CELF2: variants seen among roughly 807,000 people sequenced by gnomAD.
CELF2 encodes the protein CUG triplet repeat RNA-binding protein 2.
A neutral mutation model predicts 62.6 loss-of-function variants in CELF2; 8 were observed. The ratio of observed to expected loss-of-function variants is 0.13; its 90% CI spans 0.07 to 0.23. The LOEUF is 0.23. CELF2 is among the 10% of genes least tolerant of loss of function. The pLI, the probability that CELF2 is intolerant of heterozygous loss-of-function variation, is 1.00. For missense variants in CELF2, 333 were observed against 671.0 expected, an observed-to-expected ratio of 0.50 and a Z score of 5.56; for synonymous variants, 258 against 250.0, an observed-to-expected ratio of 1.03 and a Z score of -0.30.
chr10:10,934,361 A>G lies in CELF2; in HGVS notation c.89+14362A>G, dbSNP rs1482616355. On this transcript the variant is annotated intron_variant, in intron 2 of 13. Transcript: ENST00000636488. The surrounding 1 kb of genome is among the most constrained non-coding windows in gnomAD (Gnocchi z 4.4). ...CACCTTTCTATCCTCAACACCTAGC[A>G]TAGTGCCTCCAGCACACAACAGATG... Among the ~76,000 whole-genome samples, 1 of 152,214 alleles carries G rather than the reference A, an allele frequency of 6.6e-6. No individual in the cohort carries two copies. Among genetic ancestry groups the G allele is most frequent in the Non-Finnish European group, 1.5e-5 (1 of 68,034 alleles).
chr10:11,074,400 A>C (rs1344926147), intron 1 of CELF2, among the ~76,000 whole-genome samples: 2 of 152,208 alleles, frequency 1.3e-5, no homozygotes, highest in African/African-American at 4.8e-5. Flanking sequence ...GTCTATTCTT[A>C]GAAAATATGT....
the CELF2 span, among the ~76,000 whole-genome samples, chr10:10,604,283 C>T: frequency 3.3e-5 from 5 of 152,310 alleles, no homozygotes; most frequent in East Asian, 1.9e-4. Flanking sequence ...CGATAGATTT[C>T]GCATTGTTGC....
intron 2 of CELF2, among the ~76,000 whole-genome samples, chr10:11,167,177 G>A (rs2067472954): frequency 6.6e-6 from 1 of 152,188 alleles, no homozygotes; most frequent in African/African-American, 2.4e-5. Context: ...TCTGATACTG[G>A]TTACCTACAT....
intron 2 of CELF2, among the ~76,000 whole-genome samples, chr10:11,174,285 A>G (rs998613217): frequency 2.6e-5 from 4 of 152,178 alleles, no homozygotes; most frequent in Admixed American, 6.5e-5. Context: ...CAAGCAGAGA[A>G]GAAAGTTTTG....
chr10:11,209,039 T>A (rs766342894), intron 2 of CELF2, among the ~76,000 whole-genome samples: 15 of 152,238 alleles, frequency 9.9e-5, no homozygotes, highest in Non-Finnish European at 1.9e-4. Flanking sequence ...AACACAGATA[T>A]GTCTGATCTT....
intron 1 of CELF2, among the ~76,000 whole-genome samples, chr10:10,837,237 T>C (rs2058359066): frequency 6.6e-6 from 1 of 152,218 alleles, no homozygotes; most frequent in Non-Finnish European, 1.5e-5. Context: ...TGGAGGATTG[T>C]AGTGAATAAG....
chr10:10,833,537 C>A (rs149519164), intron 1 of CELF2, among the ~76,000 whole-genome samples: 3 of 152,178 alleles, frequency 2.0e-5, no homozygotes, highest in Non-Finnish European at 2.9e-5. Flanking sequence ...TTTATTCCCA[C>A]ACTATGCCTT....
the CELF2 span, among the ~76,000 whole-genome samples, chr10:10,497,190 CTAAAAAAAAAAAAAAGA>C: frequency 7.9e-6 from 1 of 127,344 alleles, no homozygotes; most frequent in East Asian, 2.4e-4. Flanking sequence ...AAGACTCCAT[CTAAAAAAAAAAAAAAGA>C]TAAAAAGAAA....
At chr10:11,088,575 AATG>A (rs1240089829) in intron 1 of CELF2, among the ~76,000 whole-genome samples, 3 of 67,388 alleles carry the variant, frequency 4.5e-5, no homozygotes, top group East Asian at 2.3e-4. Context: ...GGATTTCTCA[AATG>A]ATGATGCTTC....
intron 1 of CELF2, among the ~76,000 whole-genome samples, chr10:10,872,212 C>G (rs2060793718): frequency 6.6e-6 from 1 of 152,116 alleles, no homozygotes; most frequent in South Asian, 2.1e-4. Flanking sequence ...GTTTTCAAGT[C>G]TGGGTTGCTA....
At position 11,297,983 on chromosome 10, in the gene CELF2, A is replaced by T. The variant is rs2093360274; in HGVS notation, c.976+9431A>T. Among the ~76,000 whole-genome samples the T allele has an allele frequency of 6.6e-6, 1 of 152,240 alleles. No homozygotes were observed. The highest frequency in any genetic ancestry group is 1.5e-5 in the Non-Finnish European group (1 of 68,048). On this transcript the variant is annotated intron_variant, in intron 9 of 12. Coordinates refer to ENST00000633077, the MANE Select transcript of CELF2 (RefSeq NM_001326342.2). The surrounding 1 kb of genome is among the most constrained non-coding windows in gnomAD (Gnocchi z 4.4). Reference sequence around the variant, plus strand: ...GGTGACAAGAGCAAGGCTCTATCTTAAAAAACAAAAGAACATGAAAAATCT... The same window carrying T: ...GGTGACAAGAGCAAGGCTCTATCTTTAAAAACAAAAGAACATGAAAAATCT...
chr10:11,245,844 C>T (rs541125807), intron 3 of CELF2, among the ~76,000 whole-genome samples: 3 of 152,302 alleles, frequency 2.0e-5, no homozygotes, highest in East Asian at 1.9e-4. Flanking sequence ...CGTTCTTAAC[C>T]GAAGGCTCAT....
In CELF2 at chr10:11,165,129, G is replaced by C. The variant is rs1196868430; in HGVS notation, c.75-357G>C. 9.5e-7 allele frequency: 1 copy of C among 1,049,064 alleles called. No individual in the cohort carries two copies. Among genetic ancestry groups the C allele is most frequent in the East Asian group, 8.5e-5 (1 of 11,712 alleles). 65.0% of individuals were successfully genotyped at this position (1,049,064 alleles called of 1,614,324 possible). On this transcript the variant is annotated intron_variant, in intron 1 of 12. Coordinates refer to ENST00000633077, the MANE Select transcript of CELF2 (RefSeq NM_001326342.2). This position sits in a 1 kb window ranked among gnomAD's most constrained non-coding sequence, Gnocchi z 7.4. ...TCCCAGCCACAGCCAGGGTAGGGCT[G>C]ATAAGGCGCTGATGCGTTGATGGCA...
intron 1 of CELF2, among the ~76,000 whole-genome samples, chr10:11,083,468 G>A (rs981951674): frequency 6.6e-5 from 10 of 152,146 alleles, no homozygotes; most frequent in African/African-American, 1.7e-4. Flanking sequence ...TTTCTGTCAC[G>A]GAGGGGTGCC....
intron 2 of CELF2, among the ~76,000 whole-genome samples, chr10:11,193,959 C>G (rs1209295077): frequency 6.6e-6 from 1 of 152,118 alleles, no homozygotes; most frequent in African/African-American, 2.4e-5. Context: ...GGTCACATTG[C>G]TAGGAATTTG....
the CELF2 span, among the ~76,000 whole-genome samples, chr10:10,772,759 TA>T: frequency 2.0e-5 from 3 of 152,246 alleles, no homozygotes; most frequent in East Asian, 5.8e-4. Flanking sequence ...ACAAATCCTT[TA>T]TTTCCTAGGA....
the CELF2 span, among the ~76,000 whole-genome samples, chr10:10,499,069 CTTTT>C: frequency 1.4e-5 from 2 of 138,960 alleles, no homozygotes; most frequent in Non-Finnish European, 3.1e-5. Context: ...AAGCATTCTA[CTTTT>C]TTTTTTTTTT....
rs996885170 is a variant in CELF2 at position 11,280,082 on chromosome 10, G to A, written c.841+4962G>A. Among the ~76,000 whole-genome samples the A allele has an allele frequency of 1.3e-5, 2 of 152,204 alleles. No homozygotes were observed. The highest frequency in any genetic ancestry group is 2.9e-5 in the Non-Finnish European group (2 of 68,042). On this transcript the variant is annotated intron_variant, in intron 8 of 12. Coordinates refer to ENST00000633077, the MANE Select transcript of CELF2 (RefSeq NM_001326342.2). This position sits in a 1 kb window ranked among gnomAD's most constrained non-coding sequence, Gnocchi z 7.6. Reference sequence around the variant, plus strand: ...TCTGGTGCCCTTTCAGGATGAGCGTGTGGGATAAAGTGTGACTTGGGGTGC... The same window carrying A: ...TCTGGTGCCCTTTCAGGATGAGCGTATGGGATAAAGTGTGACTTGGGGTGC...
At chr10:10,998,624 G>T (rs1038227162) in intron 2 of CELF2, among the ~76,000 whole-genome samples, 1 of 152,182 alleles carries the variant, frequency 6.6e-6, no homozygotes, top group African/African-American at 2.4e-5. Context: ...ATCTCTGGGG[G>T]ATCTCAGTGA....
Sources: gnomAD v4.1 joint callset for allele counts (sites outside exome capture counted in the v4.1 genomes callset) on GRCh38, gnomAD v4.1.1 for gene constraint, Gnocchi (gnomAD v3.1) non-coding constraint, MANE v1.5 for transcripts, NCBI Gene and HGNC (gene_info 2026-07-23, HGNC 2026-07-21) for gene names.